Variants in C10orf143 observed in about 807,000 individuals in gnomAD.
C10orf143 encodes chromosome 10 open reading frame 143.
rs1218988233 is a variant in C10orf143 at position 130,064,111 on chromosome 10, T to C, written c.*243A>G. On this transcript the variant is annotated 3_prime_UTR_variant, in exon 4 of 4. Transcript: ENST00000637128. ...CAACCAGGAACATTCGAAAGGAGGC[T>C]GTAGTACGTAGTAAGGATTTGGGGG... 2 of 367,790 alleles carry C rather than the reference T, an allele frequency of 5.4e-6. No homozygotes were observed. The highest frequency in any genetic ancestry group is 9.6e-6 in the Non-Finnish European group (2 of 207,574). The allele number at this position is 367,790 out of a possible 1,614,324, so 22.8% of individuals were successfully genotyped here. A position where few individuals can be genotyped will look rare whatever the true frequency, so the allele number is the denominator to read the frequency against.
rs201858058 is a variant in C10orf143, at chr10:130,101,958, A to C, written c.69+8746T>G. On this transcript the variant is annotated intron_variant, in intron 1 of 3. Transcript: ENST00000637128. The stretch of plus-strand genomic sequence containing the variant: ...GTCCTATAAGAAATGTTTAAAAAAA[A>C]TTCCTTCAGGCAGAAAACAAAATTG... Among the ~76,000 whole-genome samples the C allele has an allele frequency of 2.0e-5, 3 of 151,740 alleles. No individual in the cohort carries two copies. The East Asian group carries it at 5.8e-4, about 30-fold the overall frequency.
intron 1 of C10orf143, among the ~76,000 whole-genome samples, chr10:130,099,510 T>TTTATTTA: frequency 6.7e-6 from 1 of 148,652 alleles, no homozygotes; most frequent in African/African-American, 2.5e-5. Context: ...CTTCTTTTAT[T>TTTATTTA]TTTATTTATT....
chr10:130,053,777 G>A (rs1283518519), intron 3 of C10orf143, among the ~76,000 whole-genome samples: 3 of 152,256 alleles, frequency 2.0e-5, no homozygotes, highest in African/African-American at 7.2e-5. Flanking sequence ...GGAAAGACAA[G>A]GAAGCTTTGT....
intron 1 of C10orf143, among the ~76,000 whole-genome samples, chr10:130,080,201 A>G (rs72843893): frequency 0.15 from 23,440 of 152,234 alleles, 2,414 homozygotes; most frequent in Non-Finnish European, 0.22. Context: ...GTTTATTGAT[A>G]TTGAAAATGT....
At chr10:130,063,141 A>G (rs1860875007), downstream of C10orf143, among the ~76,000 whole-genome samples, 1 of 152,158 alleles carries the variant, frequency 6.6e-6, no homozygotes, top group African/African-American at 2.4e-5. Context: ...TCTCTACAAA[A>G]GCCAGCTTCG....
At chr10:130,035,322 C>T (rs185521920) in intron 4 of C10orf143, among the ~76,000 whole-genome samples, 1 of 152,320 alleles carries the variant, frequency 6.6e-6, no homozygotes, top group East Asian at 1.9e-4. Flanking sequence ...TCTATCCAAC[C>T]AGGCATATTG....
rs1245464072 is a variant in C10orf143, at chr10:130,066,354, A to AT, written c.298-1972dup. 5.0e-3 allele frequency: 659 copies of AT among 132,934 alleles called. 1 individual carries two copies. Among genetic ancestry groups the AT allele is most frequent in the East Asian group, 7.7e-3 (35 of 4,558 alleles). The allele number at this position is 132,934 out of a possible 1,614,324, so 8.2% of individuals were successfully genotyped here. On this transcript the variant is annotated intron_variant, in intron 3 of 3. Transcript: ENST00000637128. ...AGGTGCTTGCCGCCACACCTGGCTA[A>AT]TTTTTTTTTTTTTTTTTTTGGTAGA...
rs1188503332 is a variant in C10orf143, at chr10:130,090,773, T to A, written c.70-10872A>T. ...TTACCAAGGCTTGAGTAGGCGGTTT[T>A]CCCCTCACAGTGTAAACAAAGCCTC... On this transcript the variant is annotated intron_variant, in intron 1 of 3. Coordinates refer to ENST00000637128, the MANE Select transcript of C10orf143 (RefSeq NM_001355042.2). 2.6e-5 allele frequency among the ~76,000 whole-genome samples: 4 copies of A among 152,220 alleles called. No individual in the cohort carries two copies. In the East Asian group the frequency reaches 7.7e-4, roughly 29 times the overall value.
chr10:130,061,141 A>G (rs1039249874), downstream of C10orf143, among the ~76,000 whole-genome samples: 8 of 152,246 alleles, frequency 5.3e-5, no homozygotes, highest in Admixed American at 2.0e-4. Flanking sequence ...TTGTCTCAAA[A>G]TAAAATAAAC....
intron 3 of C10orf143, among the ~76,000 whole-genome samples, chr10:130,053,744 C>T (rs748954809): frequency 9.9e-5 from 15 of 152,198 alleles, no homozygotes; most frequent in Non-Finnish European, 2.1e-4. Flanking sequence ...GCCAGTGAAA[C>T]CGCGTCTTAA....
chr10:130,093,350 A>G (rs933220815), intron 1 of C10orf143, among the ~76,000 whole-genome samples: 2 of 152,188 alleles, frequency 1.3e-5, no homozygotes, highest in African/African-American at 4.8e-5. Context: ...GAAATAAATA[A>G]GTTCTTTGAA....
intron 3 of C10orf143, among the ~76,000 whole-genome samples, chr10:130,057,091 C>T (rs1170573242): frequency 1.3e-5 from 2 of 150,168 alleles, no homozygotes; most frequent in Non-Finnish European, 3.0e-5. Context: ...GAGGTTTCAC[C>T]GTGTTGCCCA....
intron 1 of C10orf143, among the ~76,000 whole-genome samples, chr10:130,102,666 G>A (rs184845427): frequency 7.2e-5 from 11 of 152,270 alleles, no homozygotes; most frequent in Admixed American, 5.2e-4. Flanking sequence ...TAATATAATT[G>A]TGGATTTGCC....
intron 3 of C10orf143, among the ~76,000 whole-genome samples, chr10:130,050,992 A>G (rs1460468219): frequency 6.6e-6 from 1 of 152,188 alleles, no homozygotes; most frequent in Non-Finnish European, 1.5e-5. Flanking sequence ...CCGTGCGTGG[A>G]CAGGTGCAGC....
At chr10:130,084,185 G>C (rs953936136) in intron 1 of C10orf143, among the ~76,000 whole-genome samples, 1 of 151,992 alleles carries the variant, frequency 6.6e-6, no homozygotes, top group Non-Finnish European at 1.5e-5. Context: ...GTGGTGGCAG[G>C]CACCTGTAGT....
chr10:130,075,261 C>T (rs1392233371), intron 3 of C10orf143, among the ~76,000 whole-genome samples: 2 of 152,108 alleles, frequency 1.3e-5, no homozygotes, highest in African/African-American at 4.8e-5. Context: ...TAAAAGGCAG[C>T]GAAGGAGCAT....
Position 130,056,750 on chromosome 10 carries a change from C to A in C10orf143, c.298-20780G>T, listed in dbSNP as rs1354536242. Among the ~76,000 whole-genome samples the A allele has an allele frequency of 6.6e-6, 1 of 151,962 alleles. No individual in the cohort carries two copies. The highest frequency in any genetic ancestry group is 1.5e-5 in the Non-Finnish European group (1 of 67,994). On this transcript the variant is annotated intron_variant and NMD_transcript_variant, in intron 3 of 5. Coordinates refer to the C10orf143 transcript ENST00000643056. This position sits in a 1 kb window ranked among gnomAD's most constrained non-coding sequence, Gnocchi z 4.6. ...GGGATTACAGGCACCCACCACCGCA[C>A]CTGGCTAATTTTTTGTATTTTTAGT...
At chr10:130,043,008 G>A (rs1860625314) in intron 3 of C10orf143, among the ~76,000 whole-genome samples, 2 of 152,222 alleles carry the variant, frequency 1.3e-5, no homozygotes, top group South Asian at 2.1e-4. Context: ...GAGACAGTGC[G>A]GAAGCAAGCC....
chr10:130,090,500 A>G (rs912241367), intron 1 of C10orf143, among the ~76,000 whole-genome samples: 7 of 152,152 alleles, frequency 4.6e-5, no homozygotes, highest in African/African-American at 1.7e-4. Context: ...TTGGGCAGAC[A>G]CCAAGCTAAC....
Sources: gnomAD v4.1 joint callset for allele counts (sites outside exome capture counted in the v4.1 genomes callset) on GRCh38, gnomAD v4.1.1 for gene constraint, Gnocchi (gnomAD v3.1) non-coding constraint, MANE v1.5 for transcripts, NCBI Gene and HGNC (gene_info 2026-07-23, HGNC 2026-07-21) for gene names.